The following RFX4 variants were observed in gnomAD, a reference collection of about 807,000 sequenced individuals.
The protein encoded by RFX4 is transcription factor RFX4.
RFX4 carries 10 observed loss-of-function variants against 95.0 expected under a neutral mutation model. The observed-to-expected ratio is 0.11, with a 90% CI of 0.06 to 0.18. The LOEUF is 0.18. Among genes scored for constraint, RFX4 ranks in the 10% least tolerant of loss-of-function variants. RFX4 has a pLI of 1.00. For missense variants in RFX4, 640 were observed against 922.0 expected, an observed-to-expected ratio of 0.69 and a Z score of 3.96; for synonymous variants, 321 against 340.7, an observed-to-expected ratio of 0.94 and a Z score of 0.64.
chr12:106,613,514 C>A (rs2040005947), intron 2 of RFX4, among the ~76,000 whole-genome samples: 1 of 151,968 alleles, frequency 6.6e-6, no homozygotes, highest in Admixed American at 6.6e-5. Context: ...AGGCGCCCAC[C>A]ACCACACCCA....
intron 2 of RFX4, among the ~76,000 whole-genome samples, 164 bp downstream of exon 2, chr12:106,609,047 G>T (rs11113054): frequency 6.6e-6 from 1 of 152,092 alleles, no homozygotes; most frequent in East Asian, 1.9e-4. Flanking sequence ...ATTCCACAAT[G>T]GGGAGAGGAA....
Position 106,720,425 on chromosome 12 carries a change from A to G in RFX4, c.1234-334A>G, listed in dbSNP as rs909770307. On this transcript the variant is annotated intron_variant, in intron 12 of 17. Coordinates refer to ENST00000392842, the MANE Select transcript of RFX4 (RefSeq NM_213594.3). This position sits in a 1 kb window ranked among gnomAD's most constrained non-coding sequence, Gnocchi z 4.2. ...GAGACAGGGTCTCACTTTGTTGCCC[A>G]GGCTGGAGTGCAGTGGTGCGATCAC... is the stretch of plus-strand genomic sequence containing the variant. Among the ~76,000 whole-genome samples the G allele has an allele frequency of 2.0e-5, 3 of 152,196 alleles. No homozygotes were observed. Among genetic ancestry groups the G allele is most frequent in the African/African-American group, 7.2e-5 (3 of 41,440 alleles).
intron 4 of RFX4, 124 bp downstream of exon 4, chr12:106,654,475 T>C (rs1055653366): frequency 6.2e-6 from 7 of 1,136,320 alleles, no homozygotes; most frequent in Non-Finnish European, 8.3e-6. Context: ...TTTGGTACTT[T>C]GACAACTTCA....
At chr12:106,670,986 C>T (rs1001235048) in intron 4 of RFX4, among the ~76,000 whole-genome samples, 1 of 152,022 alleles carries the variant, frequency 6.6e-6, no homozygotes, top group African/African-American at 2.4e-5. Flanking sequence ...AAAAATATGC[C>T]ACAAGATTTC....
intron 4 of RFX4, among the ~76,000 whole-genome samples, chr12:106,674,767 T>C (rs2041358533): frequency 6.6e-6 from 1 of 152,230 alleles, no homozygotes; most frequent in Non-Finnish European, 1.5e-5. Context: ...GAACAGAGGC[T>C]GTTTCTGTTT....
At chr12:106,616,339 A>G (rs1316364323) in intron 2 of RFX4, among the ~76,000 whole-genome samples, 6 of 151,958 alleles carry the variant, frequency 3.9e-5, no homozygotes, top group Non-Finnish European at 7.4e-5. Flanking sequence ...TTTTTTATAT[A>G]CTTCTGGGTG....
intron 7 of RFX4, among the ~76,000 whole-genome samples, chr12:106,694,399 T>C (rs966675279): frequency 6.6e-6 from 1 of 152,126 alleles, no homozygotes; most frequent in Non-Finnish European, 1.5e-5. Flanking sequence ...GAGGCAGCCT[T>C]TTCAGAGCAA....
chr12:106,697,969 T>A (rs1331132846), intron 8 of RFX4, among the ~76,000 whole-genome samples: 2 of 151,576 alleles, frequency 1.3e-5, no homozygotes, highest in Admixed American at 6.6e-5. Context: ...TTATTATAAT[T>A]ATTATTATTA....
At chr12:106,666,265 A>G (rs1297666802) in intron 4 of RFX4, among the ~76,000 whole-genome samples, 1 of 151,938 alleles carries the variant, frequency 6.6e-6, no homozygotes, top group African/African-American at 2.4e-5. Flanking sequence ...TCTTTGTCCT[A>G]TATAGGTAAC....
intron 3 of RFX4, among the ~76,000 whole-genome samples, chr12:106,640,264 A>G (rs974358189): frequency 7.9e-5 from 12 of 152,238 alleles, no homozygotes; most frequent in African/African-American, 2.7e-4. Context: ...TGGCAGAGGC[A>G]GGAAGTGGCT....
Position 106,639,388 on chromosome 12 carries a change from C to A in RFX4, c.187C>A (p.Gln63Lys), listed in dbSNP as rs1338069192. ...SKPHSTPATL[Q>K]WLEENYEIAE... ...GCCCCACTCCACTCCTGCTACTCTG[C>A]AATGGTAAGTTTCCATTTTTAGCAA... Residue 63 changes from glutamine to lysine, a missense_variant, in exon 3 of 18, where the codon CAA becomes AAA. By Grantham distance (53) the Gln-to-Lys change is moderately conservative (BLOSUM62 1). Coordinates refer to ENST00000392842, the MANE Select transcript of RFX4 (RefSeq NM_213594.3). The A allele has an allele frequency of 1.2e-6, 2 of 1,613,438 alleles. No individual in the cohort carries two copies. The highest frequency in any genetic ancestry group is 2.2e-5 in the East Asian group (1 of 44,848).
intron 6 of RFX4, among the ~76,000 whole-genome samples, chr12:106,688,325 C>T (rs1458054478): frequency 1.3e-5 from 2 of 152,108 alleles, no homozygotes; most frequent in African/African-American, 4.8e-5. Context: ...ACCTCGGCCT[C>T]CCAAAGTGCT....
chr12:106,669,839 G>GTGTGTGTGT (rs1565972599), intron 4 of RFX4, among the ~76,000 whole-genome samples: 2,364 of 143,240 alleles, frequency 0.017, 59 homozygotes, highest in South Asian at 0.038. Context: ...TTTTTCTAGG[G>GTGTGTGTGT]GTGTGTGTGT....
At chr12:106,748,225 C>T (rs1469614041) in intron 16 of RFX4, among the ~76,000 whole-genome samples, 2 of 152,160 alleles carry the variant, frequency 1.3e-5, no homozygotes, top group Non-Finnish European at 2.9e-5. Flanking sequence ...CTGTGTTCCT[C>T]CCTCTTTACT....
intron 13 of RFX4, among the ~76,000 whole-genome samples, chr12:106,723,833 G>T (rs947222111): frequency 2.6e-5 from 4 of 152,206 alleles, no homozygotes; most frequent in Admixed American, 6.5e-5. Context: ...TTTCCCTGTA[G>T]TCAGGAGTGG....
intron 5 of RFX4, among the ~76,000 whole-genome samples, chr12:106,683,903 C>T (rs568841472): frequency 4.0e-4 from 61 of 151,944 alleles, no homozygotes; most frequent in Non-Finnish European, 8.2e-4. Context: ...GGCAAAATAC[C>T]CTCTTTAAAA....
chr12:106,604,865 G>T (rs1346032739), intron 1 of RFX4, among the ~76,000 whole-genome samples: 5 of 152,222 alleles, frequency 3.3e-5, no homozygotes, highest in African/African-American at 7.2e-5. Flanking sequence ...GAAAAATGCT[G>T]CAGAATTGGC....
chr12:106,688,942 C>G (rs1209681278), intron 6 of RFX4, among the ~76,000 whole-genome samples: 1 of 152,110 alleles, frequency 6.6e-6, no homozygotes, highest in Admixed American at 6.5e-5. Flanking sequence ...GTGCCAGGCA[C>G]TGTGCTAAGT....
chr12:106,731,657 G>C (rs150482024), intron 13 of RFX4, among the ~76,000 whole-genome samples: 9 of 152,326 alleles, frequency 5.9e-5, no homozygotes, highest in African/African-American at 2.2e-4. Flanking sequence ...AATTATGTCA[G>C]GTACATTAGT....
Sources: gnomAD v4.1 joint callset for allele counts (sites outside exome capture counted in the v4.1 genomes callset) on GRCh38, gnomAD v4.1.1 for gene constraint, Gnocchi (gnomAD v3.1) non-coding constraint, MANE v1.5 for transcripts, NCBI Gene and HGNC (gene_info 2026-07-23, HGNC 2026-07-21) for gene names.